TBC1D4: variants seen among roughly 807,000 people sequenced by gnomAD.
TBC1D4 encodes the protein TBC1 domain family member 4.
Under a neutral mutation model 142.5 loss-of-function variants are expected in TBC1D4, and 121 were observed. That is an observed-to-expected ratio of 0.85 (90% CI 0.73 to 0.99). The LOEUF (loss-of-function observed/expected upper bound fraction) is 0.99, where lower values mean the gene tolerates loss of function less well. TBC1D4 is among the 50% of genes least tolerant of loss of function. The pLI is 0.00. For synonymous variants in TBC1D4, 630 were observed against 628.2 expected (o/e 1.00, Z -0.04); for missense variants, 1,475 against 1,606.6 (o/e 0.92, Z 1.40).
At chr13:75,358,451 A>C (rs1197448426) in intron 3 of TBC1D4, among the ~76,000 whole-genome samples, 1 of 151,976 alleles carries the variant, frequency 6.6e-6, no homozygotes, top group East Asian at 1.9e-4. Context: ...CAGAGTAGAA[A>C]ATTTTTATCT....
chr13:75,427,328 G>A (rs1008507900), intron 1 of TBC1D4, among the ~76,000 whole-genome samples: 3 of 152,118 alleles, frequency 2.0e-5, no homozygotes, highest in Non-Finnish European at 2.9e-5. Context: ...ACCCGCCTCG[G>A]CCCAAAATAT....
chr13:75,379,431 T>C (rs1296781287), intron 1 of TBC1D4, among the ~76,000 whole-genome samples: 1 of 152,128 alleles, frequency 6.6e-6, no homozygotes, highest in Non-Finnish European at 1.5e-5. Context: ...TCAAAGAATA[T>C]GACAGCAGGA....
At chr13:75,441,379 T>C (rs562026903) in intron 1 of TBC1D4, among the ~76,000 whole-genome samples, 1 of 152,252 alleles carries the variant, frequency 6.6e-6, no homozygotes, top group East Asian at 1.9e-4. Context: ...TTTAAGGGAC[T>C]CATCTGGAAA....
At chr13:75,374,580 C>T (rs969533558) in intron 1 of TBC1D4, among the ~76,000 whole-genome samples, 3 of 152,084 alleles carry the variant, frequency 2.0e-5, no homozygotes, top group African/African-American at 7.2e-5. Context: ...ATCAATGAGA[C>T]TGAAGATCAA....
intron 1 of TBC1D4, among the ~76,000 whole-genome samples, chr13:75,458,095 C>T (rs1037766672): frequency 7.9e-5 from 12 of 152,266 alleles, no homozygotes; most frequent in Admixed American, 7.2e-4. Flanking sequence ...ACACCCTCTC[C>T]TCTTGGTACC....
intron 5 of TBC1D4, 152 bp downstream of exon 5, chr13:75,349,018 C>T (rs1368590524): frequency 2.0e-6 from 2 of 995,892 alleles, no homozygotes; most frequent in African/African-American, 1.6e-5. Context: ...CAGAGATTGA[C>T]AGCCCACTCA....
rs550255827 is a variant in TBC1D4 at position 75,440,136 on chromosome 13, C to T, written c.498+41134G>A. Among the ~76,000 whole-genome samples the T allele has an allele frequency of 4.6e-5, 7 of 151,858 alleles. No homozygotes were observed. In the East Asian group the frequency reaches 9.7e-4, roughly 21 times the overall value. On this transcript the variant is annotated intron_variant, in intron 1 of 20. Transcript: ENST00000377636. ...TATCAAGGCAGAAATCCCACCTTTA[C>T]GTAATTCCAAAGAGACACAAAGTCA...
At chr13:75,299,809 G>C (rs1325323248) in intron 16 of TBC1D4, among the ~76,000 whole-genome samples, 2 of 113,600 alleles carry the variant, frequency 1.8e-5, no homozygotes, top group Non-Finnish European at 3.3e-5. Flanking sequence ...ATGCTAACCA[G>C]TACTTCTTTC....
At chr13:75,345,759 A>G (rs965892050) in intron 5 of TBC1D4, among the ~76,000 whole-genome samples, 1 of 151,956 alleles carries the variant, frequency 6.6e-6, no homozygotes, top group African/African-American at 2.4e-5. Flanking sequence ...AAAGATATTT[A>G]AAACTATAAA....
chr13:75,419,485 G>C (rs182789673), intron 1 of TBC1D4, among the ~76,000 whole-genome samples: 1 of 152,222 alleles, frequency 6.6e-6, no homozygotes, highest in African/African-American at 2.4e-5. Context: ...TGTGAGTTCT[G>C]ATGAGGCATA....
At chr13:75,360,536 T>C (rs1241305073) in intron 2 of TBC1D4, among the ~76,000 whole-genome samples, 1 of 39,738 alleles carries the variant, frequency 2.5e-5, no homozygotes, top group Non-Finnish European at 7.4e-5. Flanking sequence ...ACCCTGTCTC[T>C]TAATTTTTTT....
In TBC1D4 at chr13:75,481,378, G is replaced by C; in HGVS notation, c.390C>G (p.Ile130Met). 1 of 1,613,940 alleles carries C rather than the reference G, an allele frequency of 6.2e-7. No individual in the cohort carries two copies. The highest frequency in any genetic ancestry group is 8.5e-7 in the Non-Finnish European group (1 of 1,179,854). ...AGTAGGTGAGGTCGTGGCTGTTGTG[G>C]ATGAAGCGCGAGATATGCTGCGCCT... ...EHKAQHISRF[I>M]HNSHDLTYFA... The change falls in exon 1 of 21, where the codon ATC becomes ATG. Residue 130 changes from isoleucine to methionine, a missense_variant. Coordinates refer to ENST00000377636, the MANE Select transcript of TBC1D4 (RefSeq NM_014832.5).
At chr13:75,350,578 C>A (rs1881513706) in intron 4 of TBC1D4, among the ~76,000 whole-genome samples, 3 of 152,068 alleles carry the variant, frequency 2.0e-5, no homozygotes, top group Admixed American at 2.0e-4. Flanking sequence ...ATGTTTAATA[C>A]CTTTGCATTT....
rs760864020 is a variant in TBC1D4 at position 75,356,250 on chromosome 13, C to A, written c.1172G>T (p.Gly391Val). Residue 391 changes from glycine to valine, a missense_variant and splice_region_variant, in exon 4 of 21, where the codon GGT becomes GTT. Coordinates refer to ENST00000377636, the MANE Select transcript of TBC1D4 (RefSeq NM_014832.5). ...NFKDISSCSQ[G>V]IKHVDHFGFI... ...GCCAAAGTGATCCACATGCTTTATACCCTAGATGGAGGGGAAGAAGTGCAA... is the reference window on the plus strand; with the variant it reads ...GCCAAAGTGATCCACATGCTTTATAACCTAGATGGAGGGGAAGAAGTGCAA... The A allele has an allele frequency of 1.9e-6, 3 of 1,607,542 alleles. No homozygotes were observed. Among genetic ancestry groups the A allele is most frequent in the Non-Finnish European group, 2.6e-6 (3 of 1,174,280 alleles).
Position 75,320,041 on chromosome 13 carries a change from G to A in TBC1D4, c.2199-4C>T, listed in dbSNP as rs748375856. The A allele has an allele frequency of 3.1e-6, 5 of 1,613,082 alleles. No homozygotes were observed. The highest frequency in any genetic ancestry group is 4.2e-6 in the Non-Finnish European group (5 of 1,179,594). ...TGATTCTGAAGCAGTGTCTTGTCTG[G>A]TACAACAGGAAAACAAGGAATGGAA... On this transcript the variant is annotated splice_polypyrimidine_tract_variant and splice_region_variant and intron_variant, in intron 11 of 20. Coordinates refer to ENST00000377636, the MANE Select transcript of TBC1D4 (RefSeq NM_014832.5).
rs1240557577 is a variant in TBC1D4 at position 75,299,663 on chromosome 13, T to TAAAC, written c.2912-93_2912-90dup. The TAAAC allele has an allele frequency of 5.4e-6, 8 of 1,477,822 alleles. No individual in the cohort carries two copies. In the East Asian group the frequency reaches 1.8e-4, roughly 34 times the overall value. 91.5% of individuals were successfully genotyped at this position (1,477,822 alleles called of 1,614,324 possible). On this transcript the variant is annotated intron_variant, in intron 16 of 20. Transcript: ENST00000377636. Reference sequence around the variant, plus strand: ...ATTGCAATTCAGTGACCTCCAAGAATAAACAGACACTCTTTCCCAAACCAG... The same window carrying TAAAC: ...ATTGCAATTCAGTGACCTCCAAGAATAAACAAACAGACACTCTTTCCCAAACCAG...
chr13:75,362,203 C>CA lies in TBC1D4; in HGVS notation c.902dup (p.Leu301PhefsTer7). ...GCTGCTCATCAAAGCCAGAATCTTCCAAAATCCGCTCAGGGAAGCAGACCC... is the reference window on the plus strand; with the variant it reads ...GCTGCTCATCAAAGCCAGAATCTTCCAAAAATCCGCTCAGGGAAGCAGACCC... On this transcript the variant is annotated frameshift_variant, in exon 2 of 21. Transcript: ENST00000377636. LOFTEE classifies it high-confidence loss of function. The surrounding 1 kb of genome is among the most constrained non-coding windows in gnomAD (Gnocchi z 4.2). 6.2e-7 allele frequency: 1 copy of CA among 1,613,832 alleles called. No individual in the cohort carries two copies. Among genetic ancestry groups the CA allele is most frequent in the Non-Finnish European group, 8.5e-7 (1 of 1,179,986 alleles).
chr13:75,354,141 G>C (rs1333343659), intron 4 of TBC1D4, among the ~76,000 whole-genome samples: 1 of 152,228 alleles, frequency 6.6e-6, no homozygotes, highest in Non-Finnish European at 1.5e-5. Context: ...CATATGTGAA[G>C]AAGGTCATGA....
chr13:75,455,325 T>A (rs568547207), intron 1 of TBC1D4, among the ~76,000 whole-genome samples: 8 of 152,214 alleles, frequency 5.3e-5, no homozygotes, highest in Non-Finnish European at 1.2e-4. Flanking sequence ...ATAAGTCAAC[T>A]GTGTTTGTCC....
Sources: gnomAD v4.1 joint callset for allele counts (sites outside exome capture counted in the v4.1 genomes callset) on GRCh38, gnomAD v4.1.1 for gene constraint, Gnocchi (gnomAD v3.1) non-coding constraint, MANE v1.5 for transcripts, NCBI Gene and HGNC (gene_info 2026-07-23, HGNC 2026-07-21) for gene names.